The following STARD10 variants were observed in gnomAD, a reference collection of about 807,000 sequenced individuals.
STARD10 encodes the protein StAR related lipid transfer domain containing 10.
A neutral mutation model predicts 36.0 loss-of-function variants in STARD10; 24 were observed. The observed-to-expected ratio is 0.67, with a 90% CI of 0.48 to 0.94. The LOEUF (loss-of-function observed/expected upper bound fraction) is 0.94, where lower values mean the gene tolerates loss of function less well. Ranked by LOEUF, STARD10 falls within the 40% of genes least tolerant of loss-of-function variation. STARD10 has a pLI of 0.00. For synonymous variants in STARD10, 156 were observed against 161.9 expected (o/e 0.96, Z 0.28); for missense variants, 335 against 396.6 (o/e 0.84, Z 1.32).
intron 2 of STARD10, among the ~76,000 whole-genome samples, chr11:72,760,806 T>G (rs1478579774): frequency 6.6e-6 from 1 of 150,774 alleles, no homozygotes; most frequent in South Asian, 2.1e-4. Context: ...AAACTCAATA[T>G]CCTTGTTCTG....
intron 2 of STARD10, among the ~76,000 whole-genome samples, chr11:72,778,945 A>G (rs1444267520): frequency 6.6e-6 from 1 of 152,202 alleles, no homozygotes; most frequent in East Asian, 1.9e-4. Context: ...GCCACCCACA[A>G]GGAAGGCCAC....
At chr11:72,786,905 C>T (rs550344001) in intron 1 of STARD10, among the ~76,000 whole-genome samples, 2 of 151,914 alleles carry the variant, frequency 1.3e-5, no homozygotes, top group South Asian at 2.1e-4. Context: ...CATAGTGAGA[C>T]GCCATCTCTA....
chr11:72,761,349 C>T (rs923141032), intron 2 of STARD10, among the ~76,000 whole-genome samples: 4 of 152,184 alleles, frequency 2.6e-5, no homozygotes, highest in Non-Finnish European at 4.4e-5. Context: ...GATTTGGACA[C>T]ACCATCTATA....
intron 2 of STARD10, among the ~76,000 whole-genome samples, chr11:72,762,473 C>T (rs796227932): frequency 1.3e-5 from 2 of 152,174 alleles, no homozygotes; most frequent in African/African-American, 4.8e-5. Context: ...TCACCCTAAA[C>T]AATTCACCCT....
chr11:72,776,091 C>A (rs1858926541), intron 2 of STARD10, among the ~76,000 whole-genome samples: 1 of 152,174 alleles, frequency 6.6e-6, no homozygotes, highest in African/African-American at 2.4e-5. Flanking sequence ...TCTTCCAGGT[C>A]CCCCCATGCC....
At chr11:72,756,291 G>A (rs769872429) in intron 5 of STARD10, among the ~76,000 whole-genome samples, 2 of 152,138 alleles carry the variant, frequency 1.3e-5, no homozygotes, top group Admixed American at 6.5e-5. Context: ...ATGAGGTGCC[G>A]GGGGAGTGCT....
chr11:72,758,385 C>A, intron 4 of STARD10, 145 bp downstream of exon 4: 1 of 683,260 alleles, frequency 1.5e-6, no homozygotes, highest in Non-Finnish European at 2.6e-6. Flanking sequence ...AGAGAGGAGC[C>A]ATTATCCTCA....
intron 1 of STARD10, among the ~76,000 whole-genome samples, chr11:72,783,128 C>T (rs1859026624): frequency 1.3e-5 from 2 of 152,136 alleles, no homozygotes; most frequent in Admixed American, 6.5e-5. Flanking sequence ...GGATTTGTCA[C>T]GGTGCTTCAC....
At chr11:72,765,024 T>C (rs1222692650) in intron 2 of STARD10, among the ~76,000 whole-genome samples, 1 of 152,172 alleles carries the variant, frequency 6.6e-6, no homozygotes, top group East Asian at 1.9e-4. Context: ...TCCTAGCACT[T>C]CGGGAGGCCG....
intron 2 of STARD10, among the ~76,000 whole-genome samples, chr11:72,767,806 G>A (rs2135616427): frequency 1.3e-5 from 2 of 152,292 alleles, no homozygotes; most frequent in South Asian, 4.1e-4. Context: ...GCCTTGGCTT[G>A]GGCAAAGAAC....
chr11:72,756,612 C>T (rs1338985682), intron 5 of STARD10, among the ~76,000 whole-genome samples: 2 of 152,006 alleles, frequency 1.3e-5, no homozygotes, highest in Non-Finnish European at 2.9e-5. Context: ...GGAAGGGCTG[C>T]CTGGGCACAG....
At chr11:72,790,705 T>C (rs968573896) in intron 1 of STARD10, among the ~76,000 whole-genome samples, 2 of 152,234 alleles carry the variant, frequency 1.3e-5, no homozygotes, top group Non-Finnish European at 1.5e-5. Flanking sequence ...CTGTAATGTG[T>C]AGCTTTGAGT....
chr11:72,763,980 G>C (rs1858753253), intron 2 of STARD10, among the ~76,000 whole-genome samples: 1 of 152,174 alleles, frequency 6.6e-6, no homozygotes, highest in South Asian at 2.1e-4. Flanking sequence ...CTCAAAATCG[G>C]ATCTCCCTGT....
At chr11:72,766,558 A>C (rs946249681) in intron 2 of STARD10, among the ~76,000 whole-genome samples, 2 of 152,160 alleles carry the variant, frequency 1.3e-5, no homozygotes, top group South Asian at 4.1e-4. Context: ...GGAGGCTTAA[A>C]CAAACAAGTA....
Position 72,754,780 on chromosome 11 carries a change from C to T in STARD10, c.*117G>A, listed in dbSNP as rs1329201863. The T allele has an allele frequency of 2.1e-6, 3 of 1,447,894 alleles. No homozygotes were observed. The highest frequency in any genetic ancestry group is 2.8e-6 in the Non-Finnish European group (3 of 1,072,454). The allele number at this position is 1,447,894 out of a possible 1,614,324, so 89.7% of individuals were successfully genotyped here. A position where few individuals can be genotyped will look rare whatever the true frequency, so the allele number is the denominator to read the frequency against. ...CTCTGTCCAGCCAGGCTGCAGCACC[C>T]GCCTGGGCCTGGCCCGGTGCCACCA... On this transcript the variant is annotated 3_prime_UTR_variant, in exon 7 of 7. Transcript: ENST00000334805.
chr11:72,785,256 G>A (rs559919912), intron 1 of STARD10, among the ~76,000 whole-genome samples: 1 of 152,030 alleles, frequency 6.6e-6, no homozygotes, highest in South Asian at 2.1e-4. Flanking sequence ...CCTACTAGCA[G>A]GGACAAAGCA....
intron 1 of STARD10, among the ~76,000 whole-genome samples, chr11:72,786,878 G>C (rs1859079924): frequency 6.6e-6 from 1 of 152,026 alleles, no homozygotes; most frequent in African/African-American, 2.4e-5. Flanking sequence ...CCAGGAGTTG[G>C]AGACCAGCTT....
At chr11:72,757,407 G>C (rs1432364414) in intron 5 of STARD10, among the ~76,000 whole-genome samples, 1 of 152,242 alleles carries the variant, frequency 6.6e-6, no homozygotes, top group East Asian at 1.9e-4. Flanking sequence ...ACTTGTGACA[G>C]AAGCCACAGG....
chr11:72,786,795 C>T (rs546640546), intron 1 of STARD10, among the ~76,000 whole-genome samples: 17 of 152,266 alleles, frequency 1.1e-4, no homozygotes, highest in Non-Finnish European at 2.2e-4. Flanking sequence ...CAGCCAGGTG[C>T]AGTGGCTCAC....
Sources: allele counts gnomAD v4.1 joint callset (sites outside exome capture counted in the v4.1 genomes callset), GRCh38; gene constraint gnomAD v4.1.1; transcripts MANE v1.5; gene names NCBI Gene and HGNC (gene_info 2026-07-23, HGNC 2026-07-21).